MACROD2: variants seen among roughly 807,000 people sequenced by gnomAD.
The protein encoded by MACROD2 is ADP-ribose glycohydrolase MACROD2.
MACROD2 carries 36 observed loss-of-function variants against 70.4 expected under a neutral mutation model. The observed-to-expected ratio is 0.51, with a 90% CI of 0.39 to 0.68. MACROD2 has a LOEUF of 0.68. Among genes scored for constraint, MACROD2 ranks in the 30% least tolerant of loss-of-function variants. The probability of loss-of-function intolerance (pLI) is 0.00; values close to 1 mark genes in which losing one functional copy is unlikely to be tolerated. For synonymous variants in MACROD2, 172 were observed against 178.8 expected (o/e 0.96, Z 0.30); for missense variants, 496 against 538.4 (o/e 0.92, Z 0.78).
At chr20:14,947,924 A>G (rs143404362) in intron 5 of MACROD2, among the ~76,000 whole-genome samples, 2 of 152,124 alleles carry the variant, frequency 1.3e-5, no homozygotes, top group Non-Finnish European at 2.9e-5. Flanking sequence ...CAAAAATAGG[A>G]AGTCCTGTAT....
chr20:16,041,086 G>T, intron 15 of MACROD2, 115 bp from the exon 16 acceptor site: 1 of 850,180 alleles, frequency 1.2e-6, no homozygotes, highest in South Asian at 1.6e-5. Context: ...AAAAGAAGTT[G>T]AATCCCAGGA....
At chr20:15,574,757 A>G (rs901881580) in intron 8 of MACROD2, among the ~76,000 whole-genome samples, 1 of 152,156 alleles carries the variant, frequency 6.6e-6, no homozygotes, top group Non-Finnish European at 1.5e-5. Flanking sequence ...CATTCTCAGT[A>G]TGCTTGAAAT....
chr20:14,572,868 CAT>C (rs566542654), intron 4 of MACROD2, among the ~76,000 whole-genome samples: 27 of 149,764 alleles, frequency 1.8e-4, no homozygotes, highest in Middle Eastern at 7.1e-3. Flanking sequence ...GATATTTTAA[CAT>C]ATTAAATATT....
chr20:14,763,974 G>A (rs185451153), intron 5 of MACROD2, among the ~76,000 whole-genome samples: 64 of 152,050 alleles, frequency 4.2e-4, no homozygotes, highest in Non-Finnish European at 6.8e-4. Context: ...CTTGGGCTAA[G>A]GATCTGCACT....
intron 8 of MACROD2, among the ~76,000 whole-genome samples, chr20:15,691,695 G>A (rs779153718): frequency 6.6e-6 from 1 of 152,200 alleles, no homozygotes; most frequent in African/African-American, 2.4e-5. Flanking sequence ...GGAAAGAGAA[G>A]AGTTGAAAAG....
intron 6 of MACROD2, among the ~76,000 whole-genome samples, chr20:15,305,231 G>GT (rs112879692): frequency 0.043 from 6,381 of 147,708 alleles, 175 homozygotes; most frequent in Middle Eastern, 0.067. Context: ...CCTTTTATTT[G>GT]TTTTTTTTTT....
chr20:14,866,290 C>A (rs535599526), intron 5 of MACROD2, among the ~76,000 whole-genome samples: 1 of 152,148 alleles, frequency 6.6e-6, no homozygotes, highest in Non-Finnish European at 1.5e-5. Context: ...GCTATCAGAG[C>A]AAAACTCAGG....
chr20:14,662,807 A>G (rs1278777547), intron 4 of MACROD2, among the ~76,000 whole-genome samples: 2 of 152,048 alleles, frequency 1.3e-5, no homozygotes, highest in African/African-American at 4.8e-5. Flanking sequence ...ACCAGTCAGA[A>G]TGGATATTAT....
At position 15,966,147 on chromosome 20, in the gene MACROD2, G is replaced by A. The variant is rs73105421; in HGVS notation, c.908-1406G>A. On this transcript the variant is annotated intron_variant, in intron 12 of 17. Coordinates refer to ENST00000684519, the MANE Select transcript of MACROD2 (RefSeq NM_001351661.2). ...AAATGAATGGAGAGAAACAGAGGGA[G>A]AAATGAAAAGGAAACAAACAAAGAA... Among the ~76,000 whole-genome samples the A allele has an allele frequency of 4.4e-3, 667 of 152,250 alleles. 5 individuals carry two copies. Among genetic ancestry groups the A allele is most frequent in the Middle Eastern group, 0.01 (3 of 294 alleles).
At chr20:15,921,127 C>A (rs570822819) in intron 10 of MACROD2, among the ~76,000 whole-genome samples, 1 of 152,272 alleles carries the variant, frequency 6.6e-6, no homozygotes, top group East Asian at 1.9e-4. Context: ...TCCCAGCTGC[C>A]CCCGTAGACA....
chr20:15,080,159 T>TA lies in MACROD2; in HGVS notation c.419-149779dup, dbSNP rs1053168654. Among the ~76,000 whole-genome samples the TA allele has an allele frequency of 9.5e-5, 14 of 148,076 alleles. No homozygotes were observed. The East Asian group carries it at 2.2e-3, about 23-fold the overall frequency. On this transcript the variant is annotated intron_variant, in intron 5 of 17. Transcript: ENST00000684519. ...ATAAATAAATAAATAAATAAATAAA[T>TA]AACATCCTCTCTCCTGTGTCCCCTC...
chr20:14,947,986 C>T (rs186624174), intron 5 of MACROD2, among the ~76,000 whole-genome samples: 2 of 152,246 alleles, frequency 1.3e-5, no homozygotes, highest in African/African-American at 4.8e-5. Context: ...TCTTGTTTTT[C>T]ACATCCTTAA....
At chr20:15,412,012 C>G (rs2046085383) in intron 6 of MACROD2, among the ~76,000 whole-genome samples, 1 of 152,124 alleles carries the variant, frequency 6.6e-6, no homozygotes, top group African/African-American at 2.4e-5. Flanking sequence ...TCAGCACCAC[C>G]CACCACTCTC....
chr20:15,513,386 G>T (rs1476973560), intron 8 of MACROD2, among the ~76,000 whole-genome samples: 2 of 152,122 alleles, frequency 1.3e-5, no homozygotes, highest in Non-Finnish European at 1.5e-5. Context: ...GTAATTAAAG[G>T]GATTCCATGA....
intron 5 of MACROD2, among the ~76,000 whole-genome samples, chr20:14,741,426 G>A (rs886678769): frequency 2.9e-4 from 44 of 152,134 alleles, no homozygotes; most frequent in Admixed American, 1.2e-3. Context: ...TGAGGTTGGT[G>A]TTAGATATAA....
intron 5 of MACROD2, among the ~76,000 whole-genome samples, chr20:14,986,209 CT>C (rs2074847458): frequency 6.6e-6 from 1 of 152,080 alleles, no homozygotes; most frequent in Non-Finnish European, 1.5e-5. Context: ...AGCAAAAATT[CT>C]TTTTTGGTTT....
chr20:14,874,940 T>C (rs1040984723), intron 5 of MACROD2, among the ~76,000 whole-genome samples: 14 of 151,420 alleles, frequency 9.2e-5, no homozygotes, highest in Non-Finnish European at 1.9e-4. Flanking sequence ...CCTGGCCTCA[T>C]ATGATCTGCC....
intron 9 of MACROD2, among the ~76,000 whole-genome samples, chr20:15,877,368 G>A (rs759921633): frequency 2.0e-5 from 3 of 152,076 alleles, no homozygotes; most frequent in Non-Finnish European, 2.9e-5. Flanking sequence ...ATCAGGCGGT[G>A]CCTTTTATTT....
At chr20:15,693,981 C>T (rs2050332046) in intron 8 of MACROD2, among the ~76,000 whole-genome samples, 1 of 152,038 alleles carries the variant, frequency 6.6e-6, no homozygotes, top group Non-Finnish European at 1.5e-5. Flanking sequence ...TTTTCCATTG[C>T]TGAGTTACTT....
Sources: allele counts gnomAD v4.1 joint callset (sites outside exome capture counted in the v4.1 genomes callset), GRCh38; gene constraint gnomAD v4.1.1; transcripts MANE v1.5; gene names NCBI Gene and HGNC (gene_info 2026-07-23, HGNC 2026-07-21).